DOK7: variants seen among roughly 807,000 people sequenced by gnomAD.
DOK7 encodes docking protein 7.
In DOK7, 32 loss-of-function variants were observed where a neutral mutation model predicts 30.7. That is an observed-to-expected ratio of 1.04 (90% CI 0.79 to 1.40). DOK7 has a LOEUF of 1.40. DOK7 is among the 40% of genes most tolerant of loss of function. The pLI is 0.00. For missense variants in DOK7, 1,007 were observed against 699.2 expected, an observed-to-expected ratio of 1.44 and a Z score of -4.97; for synonymous variants, 447 against 324.1, an observed-to-expected ratio of 1.38 and a Z score of -4.07.
chr4:3,492,748 CTCTG>C lies in DOK7; in HGVS notation c.773-7_773-4del, dbSNP rs748418500. ...CCCCCACAACTGCCTTGGCTTCCTG[CTCTG>C]TCTCAGGGGATGACCGCAGCCTGTC... On this transcript the variant is annotated splice_region_variant and splice_polypyrimidine_tract_variant and intron_variant, in intron 6 of 6. Coordinates refer to ENST00000340083, the MANE Select transcript of DOK7 (RefSeq NM_173660.5). The C allele has an allele frequency of 3.1e-6, 5 of 1,612,356 alleles. No homozygotes were observed. The highest frequency in any genetic ancestry group is 1.3e-5 in the African/African-American group (1 of 75,020).
downstream of DOK7, among the ~76,000 whole-genome samples, chr4:3,495,150 A>G (rs911778403): frequency 6.6e-6 from 1 of 151,834 alleles, no homozygotes; most frequent in African/African-American, 2.4e-5. Context: ...GGGATGACAG[A>G]CCCCGCCTCA....
chr4:3,491,275 ATTCC>A (rs1427854611), intron 6 of DOK7, among the ~76,000 whole-genome samples: 2 of 51,428 alleles, frequency 3.9e-5, no homozygotes, highest in Admixed American at 3.0e-4. Flanking sequence ...TCCTTCATTC[ATTCC>A]TTCCTCCGCC....
In DOK7 at chr4:3,493,379, A is replaced by C. The variant is rs765625554; in HGVS notation, c.1393A>C (p.Thr465Pro). Residue 465 changes from threonine (T) to proline (P), a missense_variant, in exon 7 of 7, where the codon ACA (threonine) becomes CCA (proline). Coordinates refer to ENST00000340083, the MANE Select transcript of DOK7 (RefSeq NM_173660.5). ...GGAGGCCCCCCAGGGCAGCGAGGCC[A>C]CACTGCCTGGCCCTGCCCCTGGCGA... ...VMEAPQGSEATLPGPAPGEPW... is the reference protein window; with the variant it reads ...VMEAPQGSEAPLPGPAPGEPW... 17 of 1,595,168 alleles carry C rather than the reference A, an allele frequency of 1.1e-5. No homozygotes were observed. Among genetic ancestry groups the C allele is most frequent in the Non-Finnish European group, 1.5e-5 (17 of 1,171,524 alleles).
At chr4:3,490,112 A>ACTCATTCCTTTCTTCACCCC (rs1728137564) in intron 6 of DOK7, among the ~76,000 whole-genome samples, 1 of 42,888 alleles carries the variant, frequency 2.3e-5, no homozygotes, top group African/African-American at 8.8e-5. Flanking sequence ...CTTCACCCCC[A>ACTCATTCCTTTCTTCACCCC]TTCATTCCTT....
chr4:3,500,710 A>C (rs779829704), exon 8 of DOK7: 1 of 1,535,514 alleles, frequency 6.5e-7, no homozygotes, highest in South Asian at 1.2e-5. Context: ...GCCTCCCTCT[A>C]CGCCCAGATC....
intron 2 of DOK7, among the ~76,000 whole-genome samples, chr4:3,464,256 G>C (rs1414299220): frequency 1.3e-5 from 2 of 152,200 alleles, no homozygotes; most frequent in Non-Finnish European, 2.9e-5. Context: ...TGCATGGGGG[G>C]CTGTACGCCA....
chr4:3,497,957 C>G (rs915773015), downstream of DOK7, among the ~76,000 whole-genome samples: 2 of 152,188 alleles, frequency 1.3e-5, no homozygotes, highest in Non-Finnish European at 2.9e-5. Flanking sequence ...TTTACCCAGA[C>G]AGGGGTGCCC....
At chr4:3,485,010 T>C (rs1157291844) in intron 4 of DOK7, among the ~76,000 whole-genome samples, 1 of 152,128 alleles carries the variant, frequency 6.6e-6, no homozygotes, top group Non-Finnish European at 1.5e-5. Flanking sequence ...ACTTGATGTC[T>C]CTGGGGTCTC....
intron 4 of DOK7, among the ~76,000 whole-genome samples, chr4:3,481,909 G>A (rs1727463648): frequency 6.6e-6 from 1 of 152,146 alleles, no homozygotes; most frequent in African/African-American, 2.4e-5. Flanking sequence ...GGAAGCAGGT[G>A]CGTCTGTAAC....
chr4:3,485,697 C>CGGCA lies in DOK7; in HGVS notation c.652+43_652+46dup. 3 of 1,503,542 alleles carry CGGCA rather than the reference C, an allele frequency of 2.0e-6. No individual in the cohort carries two copies. The South Asian group carries it at 3.9e-5, about 20-fold the overall frequency. The allele number at this position is 1,503,542 out of a possible 1,614,324, so 93.1% of individuals were successfully genotyped here. A position where few individuals can be genotyped will look rare whatever the true frequency, so the allele number is the denominator to read the frequency against. On this transcript the variant is annotated intron_variant, in intron 5 of 6. Coordinates refer to ENST00000340083, the MANE Select transcript of DOK7 (RefSeq NM_173660.5). ...CCTGGCCGGCCGGGGAGGGTGCGCT[C>CGGCA]GGCAGGCTGTGCGACGTCCCGGGGC...
intron 3 of DOK7, among the ~76,000 whole-genome samples, 168 bp downstream of exon 3, chr4:3,473,804 G>A (rs1304779237): frequency 2.6e-5 from 4 of 152,222 alleles, no homozygotes; most frequent in East Asian, 1.9e-4. Flanking sequence ...GGGTGCCCAC[G>A]AGGGTTTGGG....
At chr4:3,485,981 C>CCCA (rs1339721065) in intron 5 of DOK7, among the ~76,000 whole-genome samples, 1 of 151,998 alleles carries the variant, frequency 6.6e-6, no homozygotes. Flanking sequence ...GACCCTCTGA[C>CCCA]CCACCACCAC....
Position 3,493,375 on chromosome 4 carries a change from G to C in DOK7, c.1389G>C (p.Glu463Asp), listed in dbSNP as rs968704072. Residue 463 changes from glutamate to aspartate, a missense_variant, in exon 7 of 7, where the codon GAG becomes GAC. Physicochemically the swap from Glu to Asp is conservative, Grantham distance 45. Transcript: ENST00000340083. ...GLVMEAPQGS[E>D]ATLPGPAPGE... ...TGATGGAGGCCCCCCAGGGCAGCGA[G>C]GCCACACTGCCTGGCCCTGCCCCTG... is the stretch of plus-strand genomic sequence containing the variant. 17 of 1,595,914 alleles carry C rather than the reference G, an allele frequency of 1.1e-5. No homozygotes were observed. The highest frequency in any genetic ancestry group is 1.4e-5 in the Non-Finnish European group (16 of 1,171,966).
chr4:3,490,177 C>T lies in DOK7; in HGVS notation c.772+381C>T, dbSNP rs191990108. Among the ~76,000 whole-genome samples, 360 of 59,552 alleles carry T rather than the reference C, an allele frequency of 6.0e-3. 11 individuals carry two copies. Among genetic ancestry groups the T allele is most frequent in the African/African-American group, 0.025 (314 of 12,782 alleles). 39.1% of individuals were successfully genotyped at this position (59,552 alleles called of 152,430 possible). On this transcript the variant is annotated intron_variant, in intron 6 of 6. Coordinates refer to ENST00000340083, the MANE Select transcript of DOK7 (RefSeq NM_173660.5). ...CCACCCTGCTCATTCATTTCTTCCT[C>T]CGCCCCCCCCACTCATTCCTTCCCC... is the stretch of plus-strand genomic sequence containing the variant.
intron 2 of DOK7, among the ~76,000 whole-genome samples, chr4:3,466,629 C>T (rs971296655): frequency 5.3e-5 from 8 of 152,222 alleles, no homozygotes; most frequent in African/African-American, 1.2e-4. Context: ...TTCCCTCAGC[C>T]CCCGCGTCAG....
At chr4:3,476,259 C>CCGG in intron 3 of DOK7, 83 bp from the exon 4 acceptor site, 43 of 991,440 alleles carry the variant, frequency 4.3e-5, no homozygotes, top group South Asian at 1.5e-4. Context: ...CCCACCCGCC[C>CCGG]GTGATGCCCT....
At chr4:3,499,421 G>A (rs967341407), downstream of DOK7, among the ~76,000 whole-genome samples, 2 of 152,208 alleles carry the variant, frequency 1.3e-5, no homozygotes, top group Admixed American at 6.5e-5. Context: ...AGAATGGGAG[G>A]AGGCACTGGA....
At chr4:3,478,572 G>T (rs936074136) in intron 4 of DOK7, among the ~76,000 whole-genome samples, 1 of 116,446 alleles carries the variant, frequency 8.6e-6, no homozygotes, top group Admixed American at 8.9e-5. Context: ...GACTGGGCTG[G>T]CCCCACAGAA....
downstream of DOK7, among the ~76,000 whole-genome samples, chr4:3,495,529 G>A (rs1036611123): frequency 6.6e-6 from 1 of 152,360 alleles, no homozygotes; most frequent in Admixed American, 6.5e-5. Context: ...TCCTCACGAT[G>A]CTCGTGAGTG....
Sources: gnomAD v4.1 joint callset for allele counts (sites outside exome capture counted in the v4.1 genomes callset) on GRCh38, gnomAD v4.1.1 for gene constraint, MANE v1.5 for transcripts, NCBI Gene and HGNC (gene_info 2026-07-23, HGNC 2026-07-21) for gene names.